The following KCNQ3 variants were observed in gnomAD, a reference collection of about 807,000 sequenced individuals.
KCNQ3 encodes the protein potassium voltage-gated channel subfamily Q member 3, also known as potassium voltage-gated channel subfamily KQT member 3.
Under a neutral mutation model 92.5 loss-of-function variants are expected in KCNQ3, and 30 were observed. That is an observed-to-expected ratio of 0.32 (90% CI 0.24 to 0.44). KCNQ3 has a LOEUF of 0.44. Among genes scored for constraint, KCNQ3 ranks in the 20% least tolerant of loss-of-function variants. KCNQ3 has a pLI of 1.00. For synonymous variants in KCNQ3, 450 were observed against 468.8 expected, an observed-to-expected ratio of 0.96 and a Z score of 0.52; for missense variants, 913 against 1,140.3, an observed-to-expected ratio of 0.80 and a Z score of 2.87.
At chr8:132,209,291 C>T (rs986713392) in intron 1 of KCNQ3, among the ~76,000 whole-genome samples, 1 of 152,138 alleles carries the variant, frequency 6.6e-6, no homozygotes, top group Non-Finnish European at 1.5e-5. Flanking sequence ...AACCTGTGCT[C>T]CTCCTCTGTG....
At chr8:132,133,324 C>T (rs1390711358) in intron 13 of KCNQ3, among the ~76,000 whole-genome samples, 3 of 142,010 alleles carry the variant, frequency 2.1e-5, no homozygotes, top group Non-Finnish European at 4.6e-5. Flanking sequence ...TATTAAGTTG[C>T]TTTCTATCAT....
intron 1 of KCNQ3, among the ~76,000 whole-genome samples, chr8:132,291,195 G>A (rs1043495284): frequency 3.3e-5 from 5 of 152,152 alleles, no homozygotes; most frequent in African/African-American, 1.2e-4. Flanking sequence ...TGCATATAAA[G>A]CACTCAGCAC....
At chr8:132,226,557 CATA>C (rs1814427606) in intron 1 of KCNQ3, among the ~76,000 whole-genome samples, 1 of 152,158 alleles carries the variant, frequency 6.6e-6, no homozygotes, top group South Asian at 2.1e-4. Context: ...GCCAGAATGA[CATA>C]ATATTACACA....
intron 1 of KCNQ3, among the ~76,000 whole-genome samples, chr8:132,396,290 C>A (rs1026648778): frequency 6.6e-6 from 1 of 151,998 alleles, no homozygotes; most frequent in African/African-American, 2.4e-5. Flanking sequence ...CTAACCACTA[C>A]GTACACTGAC....
At chr8:132,480,064 CCA>C in intron 1 of KCNQ3, 81 bp downstream of exon 1, 6 of 1,386,030 alleles carry the variant, frequency 4.3e-6, no homozygotes, top group Non-Finnish European at 6.0e-6. Flanking sequence ...TCTTAAAGCC[CCA>C]GAGACTTCTC....
intron 1 of KCNQ3, among the ~76,000 whole-genome samples, chr8:132,398,013 C>T (rs1203064864): frequency 2.6e-5 from 4 of 152,168 alleles, no homozygotes; most frequent in African/African-American, 7.2e-5. Context: ...TTTGTGTCTT[C>T]GGGCGGTTAC....
chr8:132,360,841 C>T (rs990276029), intron 1 of KCNQ3, among the ~76,000 whole-genome samples: 2 of 152,292 alleles, frequency 1.3e-5, no homozygotes, highest in Non-Finnish European at 2.9e-5. Context: ...CTTTTGGATG[C>T]TTGGGGTCCA....
chr8:132,404,451 A>C (rs1820427227), intron 1 of KCNQ3, among the ~76,000 whole-genome samples: 1 of 152,226 alleles, frequency 6.6e-6, no homozygotes, highest in Non-Finnish European at 1.5e-5. Flanking sequence ...AAAGTATCCA[A>C]GATAATCAGG....
At chr8:132,166,245 G>A (rs984378638) in intron 8 of KCNQ3, among the ~76,000 whole-genome samples, 1 of 152,150 alleles carries the variant, frequency 6.6e-6, no homozygotes, top group African/African-American at 2.4e-5. Flanking sequence ...AGCCACATGA[G>A]GCTAGTGGCT....
chr8:132,340,610 G>C (rs7004085), intron 1 of KCNQ3, among the ~76,000 whole-genome samples: 3,605 of 151,746 alleles, frequency 0.024, 57 homozygotes, highest in African/African-American at 0.039. Flanking sequence ...AGGGCCTATT[G>C]GGGGGTGGTG....
At chr8:132,229,123 A>G (rs564084059) in intron 1 of KCNQ3, among the ~76,000 whole-genome samples, 27 of 152,084 alleles carry the variant, frequency 1.8e-4, no homozygotes, top group Non-Finnish European at 3.7e-4. Context: ...GCGTGGTGGC[A>G]CATGCTTGTA....
chr8:132,129,235 C>A lies in KCNQ3; in HGVS notation c.*27G>T. On this transcript the variant is annotated 3_prime_UTR_variant, in exon 15 of 15. Coordinates refer to ENST00000388996, the MANE Select transcript of KCNQ3 (RefSeq NM_004519.4). This position sits in a 1 kb window ranked among gnomAD's most constrained non-coding sequence, Gnocchi z 5.9. The stretch of plus-strand genomic sequence containing the variant: ...AACTATACAAAGTCTGTCTACATTA[C>A]AAGGAGGGGTCAGCCAGTGACCTCT... 3 of 1,604,544 alleles carry A rather than the reference C, an allele frequency of 1.9e-6. No homozygotes were observed. In the South Asian group the frequency reaches 3.3e-5, roughly 18 times the overall value.
At chr8:132,286,772 C>A (rs1816690243) in intron 1 of KCNQ3, among the ~76,000 whole-genome samples, 1 of 152,160 alleles carries the variant, frequency 6.6e-6, no homozygotes, top group South Asian at 2.1e-4. Context: ...GGAGGTAGTT[C>A]TTTTAAGAGA....
chr8:132,248,962 C>T (rs546678290), intron 1 of KCNQ3, among the ~76,000 whole-genome samples: 28 of 152,246 alleles, frequency 1.8e-4, no homozygotes, highest in Non-Finnish European at 4.0e-4. Flanking sequence ...CGCAGACCCT[C>T]GCGGTGAGCG....
intron 1 of KCNQ3, among the ~76,000 whole-genome samples, chr8:132,302,739 A>G (rs1403095342): frequency 1.3e-5 from 2 of 152,188 alleles, no homozygotes; most frequent in Non-Finnish European, 2.9e-5. Flanking sequence ...TGCCCTGTTA[A>G]CAATGCTGTA....
intron 1 of KCNQ3, among the ~76,000 whole-genome samples, chr8:132,247,589 C>G (rs1815222556): frequency 6.6e-6 from 1 of 151,956 alleles, no homozygotes. Flanking sequence ...GAGTTTGAGA[C>G]CAGCCTGGCC....
rs2469628 is a variant in KCNQ3, at chr8:132,125,285, C to T, written c.*3977G>A. 65,186 of 152,016 alleles carry T rather than the reference C, an allele frequency of 0.43. 14,865 individuals are homozygous for T. Among genetic ancestry groups the T allele is most frequent in the Non-Finnish European group, 0.51 (34,758 of 67,956 alleles). 9.4% of individuals were successfully genotyped at this position (152,016 alleles called of 1,614,324 possible). On this transcript the variant is annotated 3_prime_UTR_variant, in exon 15 of 15. Coordinates refer to ENST00000388996, the MANE Select transcript of KCNQ3 (RefSeq NM_004519.4). ...GGATCATTGCCATTTTGATGTAGAA[C>T]CTTTGCTCTCATTTTCATGTTCAAT...
chr8:132,411,556 G>A (rs182309197), intron 1 of KCNQ3, among the ~76,000 whole-genome samples: 2 of 152,248 alleles, frequency 1.3e-5, no homozygotes, highest in East Asian at 3.9e-4. Flanking sequence ...GAGGCTACCA[G>A]GAACCCAGGA....
intron 1 of KCNQ3, among the ~76,000 whole-genome samples, chr8:132,306,972 G>A (rs1817445730): frequency 6.6e-6 from 1 of 152,192 alleles, no homozygotes; most frequent in Non-Finnish European, 1.5e-5. Context: ...TGGGAGTCTT[G>A]GCTAGTGACA....
Sources: gnomAD v4.1 joint callset for allele counts (sites outside exome capture counted in the v4.1 genomes callset) on GRCh38, gnomAD v4.1.1 for gene constraint, Gnocchi (gnomAD v3.1) non-coding constraint, MANE v1.5 for transcripts, NCBI Gene and HGNC (gene_info 2026-07-23, HGNC 2026-07-21) for gene names.